The following SYNE2 variants were observed in gnomAD, a reference collection of about 807,000 sequenced individuals.
SYNE2 encodes nesprin-2.
SYNE2 carries 431 observed loss-of-function variants against 856.3 expected under a neutral mutation model. The ratio of observed to expected loss-of-function variants is 0.50; its 90% CI spans 0.47 to 0.55. The LOEUF is 0.55. SYNE2 is among the 20% of genes least tolerant of loss of function. SYNE2 has a pLI of 0.00. For missense variants in SYNE2, 8,129 were observed against 8,023.2 expected (o/e 1.01, Z -0.50); for synonymous variants, 2,923 against 2,872.3 (o/e 1.02, Z -0.56).
intron 65 of SYNE2, among the ~76,000 whole-genome samples, chr14:64,107,906 G>C: frequency 6.6e-6 from 1 of 152,182 alleles, no homozygotes; most frequent in Non-Finnish European, 1.5e-5. Context: ...ACTTATGGGG[G>C]CAAAGAAAGT....
At chr14:64,038,091 G>C (rs867297810) in intron 45 of SYNE2, among the ~76,000 whole-genome samples, 1 of 152,040 alleles carries the variant, frequency 6.6e-6, no homozygotes, top group East Asian at 1.9e-4. Context: ...CAGACGGGGC[G>C]GCCGGGCAGA....
intron 84 of SYNE2, 46 bp downstream of exon 84, chr14:64,146,269 T>C (rs762123330): frequency 6.4e-7 from 1 of 1,554,682 alleles, no homozygotes; most frequent in Admixed American, 1.9e-5. Context: ...GCTGGGGTGA[T>C]TCGGTCACCT....
chr14:63,960,608 G>GTTT, intron 8 of SYNE2: 4 of 488,208 alleles, frequency 8.2e-6, no homozygotes, highest in East Asian at 3.5e-5. Flanking sequence ...ACAGTGAAGT[G>GTTT]TTTTTTTTTT....
intron 8 of SYNE2, among the ~76,000 whole-genome samples, chr14:63,957,805 T>C (rs1409154791): frequency 2.6e-5 from 4 of 152,094 alleles, no homozygotes; most frequent in African/African-American, 9.7e-5. Context: ...CATGGTGAAG[T>C]TACTCTTTTT....
intron 57 of SYNE2, among the ~76,000 whole-genome samples, chr14:64,082,424 C>G (rs1026855982): frequency 3.0e-4 from 37 of 121,622 alleles, no homozygotes; most frequent in African/African-American, 1.2e-3. Flanking sequence ...TGGTCTCAAG[C>G]ATTTCAGATA....
At chr14:63,838,016 C>T (rs1450657181) in intron 1 of SYNE2, among the ~76,000 whole-genome samples, 1 of 150,548 alleles carries the variant, frequency 6.6e-6, no homozygotes, top group Non-Finnish European at 1.5e-5. Flanking sequence ...AAAAGATGCT[C>T]AACATCAGTA....
chr14:63,944,519 T>TTTC (rs1199316316), intron 6 of SYNE2, among the ~76,000 whole-genome samples: 16 of 113,396 alleles, frequency 1.4e-4, no homozygotes, highest in African/African-American at 5.1e-4. Context: ...AAGCCTTTCT[T>TTTC]TTTTTTTTTT....
chr14:63,890,680 T>C (rs1394380445), intron 1 of SYNE2, among the ~76,000 whole-genome samples: 1 of 152,168 alleles, frequency 6.6e-6, no homozygotes, highest in Admixed American at 6.5e-5. Context: ...GGACTTGTTT[T>C]TGTGCTTGTT....
intron 99 of SYNE2, among the ~76,000 whole-genome samples, chr14:64,191,956 G>A (rs1009082262): frequency 6.6e-6 from 1 of 152,218 alleles, no homozygotes; most frequent in African/African-American, 2.4e-5. Flanking sequence ...ATCAGAGGCC[G>A]CTGGTGCTGT....
Position 64,219,426 on chromosome 14 carries a change from G to C in SYNE2, c.19860+16G>C, listed in dbSNP as rs762455158. ...GAGACTGCAGGTGAGTTAGAGGTGT[G>C]GTGGGGAAGAGGGATTCAGAATGTG... On this transcript the variant is annotated intron_variant, in intron 110 of 115. Coordinates refer to ENST00000555002, the MANE Select transcript of SYNE2 (RefSeq NM_182914.3). The C allele has an allele frequency of 4.3e-6, 7 of 1,613,070 alleles. No individual in the cohort carries two copies. The highest frequency in any genetic ancestry group is 1.7e-5 in the Admixed American group (1 of 60,018).
intron 73 of SYNE2, among the ~76,000 whole-genome samples, chr14:64,127,474 A>G (rs1210116881): frequency 6.6e-6 from 1 of 152,192 alleles, no homozygotes; most frequent in Non-Finnish European, 1.5e-5. Context: ...TGTTAGGATG[A>G]GCTAAAATAA....
At chr14:64,020,163 A>T in intron 35 of SYNE2, 70 bp downstream of exon 35, 1 of 1,084,676 alleles carries the variant, frequency 9.2e-7, no homozygotes, top group South Asian at 1.3e-5. Flanking sequence ...ACTGCACTCC[A>T]GCCTGGGCGA....
At position 64,119,527 on chromosome 14, in the gene SYNE2, C is replaced by G. The variant is rs769993001; in HGVS notation, c.12941C>G (p.Ala4314Gly). 1 of 1,614,174 alleles carries G rather than the reference C, an allele frequency of 6.2e-7. No homozygotes were observed. Among genetic ancestry groups the G allele is most frequent in the Non-Finnish European group, 8.5e-7 (1 of 1,180,034 alleles). ...GGAGCCACTCAACATGAGGCTGAAG[C>G]GCTTTCCCTGAAACTGAAAACAGTG... Reference protein sequence around the residue: ...DNGATQHEAEALSLKLKTVKC... With the variant: ...DNGATQHEAEGLSLKLKTVKC... Residue 4314 changes from alanine (A) to glycine (G), a missense_variant, in exon 67 of 116, where the codon GCG becomes GGG. Physicochemically the swap from Ala to Gly is moderately conservative, Grantham distance 60 (BLOSUM62 0). Coordinates refer to ENST00000555002, the MANE Select transcript of SYNE2 (RefSeq NM_182914.3).
At chr14:64,141,649 A>G (rs2153692533) in intron 81 of SYNE2, 126 bp downstream of exon 81, 9 of 1,056,484 alleles carry the variant, frequency 8.5e-6, no homozygotes, top group South Asian at 2.8e-5. Flanking sequence ...ACCACTGAAT[A>G]TAAGTCTTAA....
Position 64,031,074 on chromosome 14 carries a change from C to A in SYNE2, c.6938C>A (p.Ala2313Glu). The change falls in exon 45 of 116, where the codon GCA becomes GAA. Residue 2313 changes from alanine (A) to glutamate (E), a missense_variant. This residue lies in a region of SYNE2 where 297 missense variants were observed against 380.9 expected (regional missense o/e 0.78). Coordinates refer to ENST00000555002, the MANE Select transcript of SYNE2 (RefSeq NM_182914.3). ...ACATTAAAGAAGATTTTAGCTTTAG[C>A]AAAATCCGTCAAGCAAAATACATCT... is the stretch of plus-strand genomic sequence containing the variant. ...DGTLKKILAL[A>E]KSVKQNTSSV... 1 of 1,613,974 alleles carries A rather than the reference C, an allele frequency of 6.2e-7. No individual in the cohort carries two copies. Among genetic ancestry groups the A allele is most frequent in the Non-Finnish European group, 8.5e-7 (1 of 1,179,974 alleles).
At chr14:63,893,854 G>C (rs923938121) in intron 1 of SYNE2, among the ~76,000 whole-genome samples, 1 of 152,162 alleles carries the variant, frequency 6.6e-6, no homozygotes, top group Non-Finnish European at 1.5e-5. Flanking sequence ...AGTGATGCAA[G>C]GATGTCCGTA....
intron 1 of SYNE2, among the ~76,000 whole-genome samples, chr14:63,907,062 G>A (rs978683005): frequency 1.3e-5 from 2 of 152,246 alleles, no homozygotes; most frequent in African/African-American, 4.8e-5. Context: ...ATGGACTTTG[G>A]GGGACGTAAG....
intron 26 of SYNE2, 90 bp downstream of exon 26, chr14:63,998,418 T>G: frequency 4.6e-6 from 4 of 877,162 alleles, no homozygotes; most frequent in Non-Finnish European, 7.5e-6. Context: ...TTATTTTCAT[T>G]TAGTCGTCAT....
At chr14:64,190,494 C>A in intron 99 of SYNE2, 1 of 652,092 alleles carries the variant, frequency 1.5e-6, no homozygotes, top group Non-Finnish European at 2.7e-6. Flanking sequence ...GAGTTGGAAA[C>A]TGATTTGGAA....
Sources: gnomAD v4.1 joint callset for allele counts (sites outside exome capture counted in the v4.1 genomes callset) on GRCh38, gnomAD v4.1.1 for gene constraint, gnomAD v4.1.1 regional missense constraint, MANE v1.5 for transcripts, NCBI Gene and HGNC (gene_info 2026-07-23, HGNC 2026-07-21) for gene names.